SEL1L2: variants seen among roughly 807,000 people sequenced by gnomAD.
The protein encoded by SEL1L2 is SEL1L2 adaptor subunit of SYVN1 ubiquitin ligase, also known as protein sel-1 homolog 2.
In SEL1L2, 89 loss-of-function variants were observed where a neutral mutation model predicts 98.8. That is an observed-to-expected ratio of 0.90 (90% CI 0.76 to 1.07). The LOEUF is 1.07. SEL1L2 is among the 50% of genes least tolerant of loss of function. The pLI, the probability that SEL1L2 is intolerant of heterozygous loss-of-function variation, is 0.00. For missense variants in SEL1L2, 788 were observed against 812.0 expected, an observed-to-expected ratio of 0.97 and a Z score of 0.36; for synonymous variants, 262 against 278.5, an observed-to-expected ratio of 0.94 and a Z score of 0.59.
At chr20:13,985,517 C>G (rs1310412055) in intron 1 of SEL1L2, among the ~76,000 whole-genome samples, 1 of 152,198 alleles carries the variant, frequency 6.6e-6, no homozygotes, top group Non-Finnish European at 1.5e-5. Flanking sequence ...CTGTGCCCTA[C>G]AGTACCCTGT....
At chr20:13,933,367 T>TTTTATCACCTTAAGAAAAATG (rs2049245020) in intron 2 of SEL1L2, among the ~76,000 whole-genome samples, 2 of 152,072 alleles carry the variant, frequency 1.3e-5, no homozygotes, top group African/African-American at 4.8e-5. Flanking sequence ...TTTAGAACAT[T>TTTTATCACCTTAAGAAAAATG]TTTATCACCT....
intron 2 of SEL1L2, among the ~76,000 whole-genome samples, chr20:13,948,399 C>G (rs1218185997): frequency 6.6e-6 from 1 of 151,970 alleles, no homozygotes; most frequent in Non-Finnish European, 1.5e-5. Flanking sequence ...GAGTGCGGCA[C>G]AAAGATAGAC....
chr20:13,974,384 G>A (rs1243108486), intron 1 of SEL1L2, among the ~76,000 whole-genome samples: 2 of 151,962 alleles, frequency 1.3e-5, no homozygotes, highest in African/African-American at 4.8e-5. Flanking sequence ...CTCTGTATAT[G>A]GTGGTAGTGG....
chr20:13,960,558 T>A (rs1464131804), intron 1 of SEL1L2, among the ~76,000 whole-genome samples: 3 of 152,194 alleles, frequency 2.0e-5, no homozygotes, highest in Non-Finnish European at 4.4e-5. Flanking sequence ...TTTTCTAAAT[T>A]TCAGGCTTTT....
At chr20:13,916,662 C>T (rs530236999) in intron 4 of SEL1L2, among the ~76,000 whole-genome samples, 68 of 152,062 alleles carry the variant, frequency 4.5e-4, no homozygotes, top group Middle Eastern at 3.4e-3. Flanking sequence ...AAAAATTAGC[C>T]GGGTGTGGTG....
chr20:13,950,828 C>A (rs1204891826), intron 2 of SEL1L2, among the ~76,000 whole-genome samples: 1 of 152,014 alleles, frequency 6.6e-6, no homozygotes, highest in Admixed American at 6.6e-5. Context: ...TACCTACCAC[C>A]CTATCCTGAA....
chr20:13,888,543 T>C, intron 5 of SEL1L2, 31 bp from the exon 6 acceptor site: 1 of 1,223,996 alleles, frequency 8.2e-7, no homozygotes, highest in Non-Finnish European at 1.2e-6. Flanking sequence ...CAAAATTTAA[T>C]AAATCAATTT....
chr20:13,972,460 ATTTAGATTTATCAT>A lies in SEL1L2; in HGVS notation c.59-16343_59-16330del, dbSNP rs577000979. Among the ~76,000 whole-genome samples the A allele has an allele frequency of 6.6e-4, 101 of 152,328 alleles. 1 individual carries two copies. Among genetic ancestry groups the A allele is most frequent in the African/African-American group, 2.2e-3 (93 of 41,592 alleles). ...TTTCTAAAAAATAAAATAAGCCTTTATTTAGATTTATCATAAGTCTTAAAGGTTACTTGGCTTAC... is the reference window on the plus strand; with the variant it reads ...TTTCTAAAAAATAAAATAAGCCTTTAAAGTCTTAAAGGTTACTTGGCTTAC... On this transcript the variant is annotated intron_variant, in intron 1 of 19. Transcript: ENST00000284951.
rs1286497459 is a variant in SEL1L2, at chr20:13,887,454, G to A, written c.745+315C>T. 3.9e-5 allele frequency among the ~76,000 whole-genome samples: 6 copies of A among 152,110 alleles called. No individual in the cohort carries two copies. In the East Asian group the frequency reaches 1.2e-3, roughly 29 times the overall value. ...CCATATTCTGAATGTTATATTTAGGGAAACTGCTTAATATTTATCGGTGCT... is the reference window on the plus strand; with the variant it reads ...CCATATTCTGAATGTTATATTTAGGAAAACTGCTTAATATTTATCGGTGCT... On this transcript the variant is annotated intron_variant, in intron 8 of 19. Transcript: ENST00000284951.
intron 5 of SEL1L2, among the ~76,000 whole-genome samples, chr20:13,900,494 G>A (rs758586054): frequency 1.3e-5 from 2 of 152,052 alleles, no homozygotes; most frequent in Non-Finnish European, 2.9e-5. Context: ...GGAGAAGCTC[G>A]GCCCCAGAAA....
At chr20:13,869,256 T>G (rs1440600234) in intron 14 of SEL1L2, among the ~76,000 whole-genome samples, 1 of 152,210 alleles carries the variant, frequency 6.6e-6, no homozygotes, top group South Asian at 2.1e-4. Context: ...TCTGGGGATG[T>G]GCACGGGATA....
At chr20:13,869,648 T>C (rs371549998) in intron 13 of SEL1L2, 58 bp from the exon 14 acceptor site, 41 of 1,326,528 alleles carry the variant, frequency 3.1e-5, no homozygotes, top group Non-Finnish European at 3.9e-5. Context: ...ATGGAAACAA[T>C]TGCCTTCCAC....
intron 1 of SEL1L2, among the ~76,000 whole-genome samples, chr20:13,974,834 G>C (rs757373241): frequency 3.3e-5 from 5 of 151,926 alleles, no homozygotes; most frequent in Non-Finnish European, 5.9e-5. Flanking sequence ...TGCACATTTT[G>C]GGCAAAAGTT....
chr20:13,911,604 TC>T (rs2048207681), intron 5 of SEL1L2, among the ~76,000 whole-genome samples: 2 of 152,178 alleles, frequency 1.3e-5, no homozygotes, highest in African/African-American at 4.8e-5. Context: ...AAGAAAGAGT[TC>T]CTGATGTAAA....
upstream of SEL1L2, among the ~76,000 whole-genome samples, chr20:13,993,297 A>G (rs1351900618): frequency 6.6e-6 from 1 of 152,226 alleles, no homozygotes; most frequent in Non-Finnish European, 1.5e-5. Context: ...AAGTTATAAG[A>G]GGTACCAGGG....
At chr20:13,863,511 G>A (rs1035604978) in intron 17 of SEL1L2, among the ~76,000 whole-genome samples, 22 of 152,144 alleles carry the variant, frequency 1.4e-4, no homozygotes, top group South Asian at 6.2e-4. Flanking sequence ...CTGCTAAAAG[G>A]AGTATGGCCA....
chr20:13,863,087 C>T (rs1353677532), intron 17 of SEL1L2, among the ~76,000 whole-genome samples: 1 of 152,138 alleles, frequency 6.6e-6, no homozygotes, highest in East Asian at 1.9e-4. Context: ...GGAGCAAGAA[C>T]TTATAAGAAT....
At chr20:13,885,549 A>G (rs1405475926) in intron 9 of SEL1L2, 146 bp from the exon 10 acceptor site, 38 of 640,670 alleles carry the variant, frequency 5.9e-5, no homozygotes, top group Non-Finnish European at 8.5e-5. Context: ...TCCAGACTAT[A>G]TCATTTATTG....
chr20:13,947,921 C>T (rs757139363), intron 2 of SEL1L2, among the ~76,000 whole-genome samples: 10 of 152,230 alleles, frequency 6.6e-5, no homozygotes, highest in Non-Finnish European at 1.5e-4. Flanking sequence ...GACTGGACCC[C>T]GTGCTCACTC....
Sources: allele counts gnomAD v4.1 joint callset (sites outside exome capture counted in the v4.1 genomes callset), GRCh38; gene constraint gnomAD v4.1.1; transcripts MANE v1.5; gene names NCBI Gene and HGNC (gene_info 2026-07-23, HGNC 2026-07-21).